MYO3B: variants seen among roughly 807,000 people sequenced by gnomAD.
MYO3B encodes the protein myosin IIIB.
A neutral mutation model predicts 174.6 loss-of-function variants in MYO3B; 156 were observed. The observed-to-expected ratio is 0.89, with a 90% confidence interval of 0.78 to 1.02. The LOEUF (loss-of-function observed/expected upper bound fraction) is 1.02, where lower values mean the gene tolerates loss of function less well. Among genes scored for constraint, MYO3B ranks in the 50% least tolerant of loss-of-function variants. The probability of loss-of-function intolerance (pLI) is 0.00; values close to 1 mark genes in which losing one functional copy is unlikely to be tolerated. For synonymous variants in MYO3B, 563 were observed against 569.1 expected, an observed-to-expected ratio of 0.99 and a Z score of 0.15; for missense variants, 1,632 against 1,639.4, an observed-to-expected ratio of 1.00 and a Z score of 0.08.
At chr2:170,551,349 A>AAT (rs1690881866) in intron 32 of MYO3B, among the ~76,000 whole-genome samples, 4 of 142,320 alleles carry the variant, frequency 2.8e-5, no homozygotes, top group South Asian at 4.4e-4. Flanking sequence ...ATTTAATTTA[A>AAT]TTATTTATTT....
At chr2:170,370,575 C>T (rs1413882583) in intron 9 of MYO3B, among the ~76,000 whole-genome samples, 3 of 149,890 alleles carry the variant, frequency 2.0e-5, no homozygotes, top group Non-Finnish European at 4.4e-5. Context: ...AATCTCTTTT[C>T]TTCCTTGTTT....
At chr2:170,540,229 C>A (rs144669398) in intron 30 of MYO3B, among the ~76,000 whole-genome samples, 1 of 151,792 alleles carries the variant, frequency 6.6e-6, no homozygotes, top group African/African-American at 2.4e-5. Context: ...GAGTCTGCAG[C>A]GGGAGGATCA....
At chr2:170,582,421 C>T (rs1383993779) in intron 32 of MYO3B, among the ~76,000 whole-genome samples, 2 of 152,120 alleles carry the variant, frequency 1.3e-5, no homozygotes, top group African/African-American at 4.8e-5. Flanking sequence ...CTGCCCTCCT[C>T]TTCAGTTCTG....
rs1253702828 is a variant in MYO3B, at chr2:170,199,369, T to A, written c.164T>A (p.Val55Glu). The change falls in exon 2 of 35, where the codon GTG (valine) becomes GAG (glutamate). Residue 55 changes from valine to glutamate, a missense_variant. Transcript: ENST00000408978. ...AAGAGAGATGGGAGCCTGGCTGCAG[T>A]GAAAATTCTGGATCCAGTCAGTGTA... ...TNKRDGSLAA[V>E]KILDPVSDMD... 1 of 1,611,080 alleles carries A rather than the reference T, an allele frequency of 6.2e-7. No homozygotes were observed. Among genetic ancestry groups the A allele is most frequent in the East Asian group, 2.2e-5 (1 of 44,736 alleles).
chr2:170,180,807 C>T (rs1178541941), intron 1 of MYO3B, among the ~76,000 whole-genome samples: 1 of 152,116 alleles, frequency 6.6e-6, no homozygotes, highest in African/African-American at 2.4e-5. Context: ...CAAATATACA[C>T]ATAAAATGAC....
intron 22 of MYO3B, among the ~76,000 whole-genome samples, chr2:170,440,273 TG>T (rs2094789534): frequency 6.6e-6 from 1 of 152,180 alleles, no homozygotes; most frequent in Admixed American, 6.5e-5. Context: ...CTGGGTCCTT[TG>T]TGGTTCTATA....
intron 2 of MYO3B, among the ~76,000 whole-genome samples, chr2:170,199,797 T>C (rs1192226077): frequency 2.0e-5 from 3 of 152,200 alleles, no homozygotes; most frequent in African/African-American, 7.2e-5. Context: ...ACATGTCCTA[T>C]CCTGTGATAG....
chr2:170,180,048 A>G (rs9989797), intron 1 of MYO3B: 4,666 of 266,940 alleles, frequency 0.017, 220 homozygotes, highest in African/African-American at 0.095. Flanking sequence ...TGAGCAATGG[A>G]AATCTTCATC....
At chr2:170,183,668 A>AT (rs556692806) in intron 1 of MYO3B, among the ~76,000 whole-genome samples, 87 of 151,636 alleles carry the variant, frequency 5.7e-4, no homozygotes, top group East Asian at 2.5e-3. Context: ...GTTTATTTCT[A>AT]TGTTTTTTTG....
At chr2:170,339,963 A>G (rs1390913330) in intron 8 of MYO3B, among the ~76,000 whole-genome samples, 2 of 152,154 alleles carry the variant, frequency 1.3e-5, no homozygotes, top group Non-Finnish European at 2.9e-5. Context: ...CCCTACGACT[A>G]AAGCTATTTG....
In MYO3B at chr2:170,230,336, A is replaced by ATT. The variant is rs60171555; in HGVS notation, c.604-5630_604-5629dup. Among the ~76,000 whole-genome samples, 9 of 64,720 alleles carry ATT rather than the reference A, an allele frequency of 1.4e-4. 1 individual carries two copies. Among genetic ancestry groups the ATT allele is most frequent in the East Asian group, 1.1e-3 (2 of 1,814 alleles). 42.5% of individuals were successfully genotyped at this position (64,720 alleles called of 152,430 possible). ...AGGCATGTGCCACCACGCCTGGCTA[A>ATT]TTTTTTTTTTTTTTTTTTTTTTTTT... On this transcript the variant is annotated intron_variant, in intron 6 of 34. Transcript: ENST00000408978.
At chr2:170,453,537 C>T (rs79533377) in intron 23 of MYO3B, among the ~76,000 whole-genome samples, 12,014 of 151,748 alleles carry the variant, frequency 0.079, 568 homozygotes, top group Non-Finnish European at 0.1. Context: ...GACAGCATAC[C>T]AGGTACCAGG....
intron 22 of MYO3B, among the ~76,000 whole-genome samples, chr2:170,440,921 C>A (rs527259759): frequency 6.6e-6 from 1 of 150,944 alleles, no homozygotes; most frequent in East Asian, 2.0e-4. Context: ...CCTGCCTCAG[C>A]CTCCAGAGTA....
At chr2:170,241,184 T>C (rs1208482264) in intron 7 of MYO3B, among the ~76,000 whole-genome samples, 2 of 152,012 alleles carry the variant, frequency 1.3e-5, no homozygotes, top group Non-Finnish European at 1.5e-5. Flanking sequence ...AATGGAAATC[T>C]GTTTCTGGCA....
intron 7 of MYO3B, among the ~76,000 whole-genome samples, chr2:170,279,108 C>T (rs1309365954): frequency 2.6e-5 from 4 of 151,860 alleles, no homozygotes; most frequent in Non-Finnish European, 5.9e-5. Flanking sequence ...GCATGTATCC[C>T]TTTTATATAT....
intron 17 of MYO3B, 42 bp downstream of exon 17, chr2:170,400,356 C>T (rs747270465): frequency 1.2e-5 from 19 of 1,603,856 alleles, no homozygotes; most frequent in African/African-American, 1.1e-4. Context: ...TGCCAAAGCA[C>T]GTGCTTCTTT....
chr2:170,187,122 CT>C (rs2092475428), intron 1 of MYO3B, among the ~76,000 whole-genome samples: 1 of 151,580 alleles, frequency 6.6e-6, no homozygotes, highest in Admixed American at 6.6e-5. Context: ...GTTTCCTTGA[CT>C]TTGGTGTTGT....
chr2:170,444,632 AT>A (rs2094826923), intron 23 of MYO3B, among the ~76,000 whole-genome samples: 1 of 152,170 alleles, frequency 6.6e-6, no homozygotes, highest in African/African-American at 2.4e-5. Flanking sequence ...TACACTGAAA[AT>A]TTATTTAATA....
intron 7 of MYO3B, among the ~76,000 whole-genome samples, chr2:170,325,307 A>G (rs943523630): frequency 6.6e-6 from 1 of 152,014 alleles, no homozygotes; most frequent in Non-Finnish European, 1.5e-5. Context: ...TCCCAGGTTC[A>G]AGCAATTCTC....
Sources: allele counts gnomAD v4.1 joint callset (sites outside exome capture counted in the v4.1 genomes callset), GRCh38; gene constraint gnomAD v4.1.1; transcripts MANE v1.5; gene names NCBI Gene and HGNC (gene_info 2026-07-23, HGNC 2026-07-21).